The following MB21D2 variants were observed in gnomAD, a reference collection of about 807,000 sequenced individuals.
MB21D2 encodes the protein nucleotidyltransferase MB21D2.
In MB21D2, 9 loss-of-function variants were observed where a neutral mutation model predicts 33.3. That is an observed-to-expected ratio of 0.27 (90% CI 0.16 to 0.47). The LOEUF (loss-of-function observed/expected upper bound fraction) is 0.47. Ranked by LOEUF, MB21D2 falls within the 20% of genes least tolerant of loss-of-function variation. The pLI, the probability that MB21D2 is intolerant of heterozygous loss-of-function variation, is 0.99. For synonymous variants in MB21D2, 241 were observed against 236.3 expected (o/e 1.02, Z -0.18); for missense variants, 540 against 624.6 (o/e 0.86, Z 1.44).
chr3:192,798,935 G>A lies in MB21D2; in HGVS notation c.927C>T (p.Ala309=). Residue 309 remains alanine (A), a synonymous_variant, in exon 2 of 2, where the codon GCC becomes GCT. Transcript: ENST00000392452. This position sits in a 1 kb window ranked among gnomAD's most constrained non-coding sequence, Gnocchi z 4.8. The stretch of plus-strand genomic sequence containing the variant: ...TGATGATGGCTTTGCAGGCCTGATA[G>A]GCCTGCATGAGGCTGCTGGAGATGC... ...KKCISSSLMQ[A]YQACKAIIIK... The A allele has an allele frequency of 6.2e-7, 1 of 1,613,862 alleles. No homozygotes were observed. Among genetic ancestry groups the A allele is most frequent in the Non-Finnish European group, 8.5e-7 (1 of 1,179,920 alleles).
intron 1 of MB21D2, among the ~76,000 whole-genome samples, chr3:192,869,372 A>G (rs975823911): frequency 1.3e-5 from 2 of 152,044 alleles, no homozygotes; most frequent in South Asian, 4.2e-4. Context: ...GAAAGGAAGA[A>G]GGGAAGGAGA....
chr3:192,877,489 T>G (rs1268575516), intron 1 of MB21D2, among the ~76,000 whole-genome samples: 1 of 152,162 alleles, frequency 6.6e-6, no homozygotes, highest in African/African-American at 2.4e-5. Context: ...TTCATGCCAG[T>G]CCTCTACCCT....
chr3:192,912,984 T>C (rs1014148910), intron 1 of MB21D2, among the ~76,000 whole-genome samples: 2 of 152,224 alleles, frequency 1.3e-5, no homozygotes, highest in Non-Finnish European at 2.9e-5. Flanking sequence ...CATGAGCTAA[T>C]GGACTTAGGC....
At chr3:192,881,394 T>C (rs999950483) in intron 1 of MB21D2, among the ~76,000 whole-genome samples, 10 of 152,122 alleles carry the variant, frequency 6.6e-5, no homozygotes, top group African/African-American at 2.2e-4. Flanking sequence ...AGAAGATCTC[T>C]GTGGCTCCTT....
At chr3:192,828,623 T>TCC (rs1712239614) in intron 1 of MB21D2, among the ~76,000 whole-genome samples, 1 of 25,936 alleles carries the variant, frequency 3.9e-5, no homozygotes, top group East Asian at 1.6e-3. Context: ...TATATATATA[T>TCC]ATATATATAT....
chr3:192,811,866 A>C (rs1165638558), intron 1 of MB21D2, among the ~76,000 whole-genome samples: 4 of 152,168 alleles, frequency 2.6e-5, no homozygotes, highest in African/African-American at 9.7e-5. Flanking sequence ...TTACTTATAC[A>C]TGAAAGCCTC....
rs148832597 is a variant in MB21D2 at position 192,887,703 on chromosome 3, T to G, written c.211+29927A>C. On this transcript the variant is annotated intron_variant, in intron 1 of 1. Transcript: ENST00000392452. ...GGCTTAGCCCAACAAAAAATATTTTTTCCCTTTACTAACAGGTTGCTTTGC... is the reference window on the plus strand; with the variant it reads ...GGCTTAGCCCAACAAAAAATATTTTGTCCCTTTACTAACAGGTTGCTTTGC... Among the ~76,000 whole-genome samples the G allele has an allele frequency of 3.4e-4, 52 of 152,244 alleles. No homozygotes were observed. The East Asian group carries it at 9.4e-3, about 28-fold the overall frequency.
chr3:192,910,688 T>A (rs1200861807), intron 1 of MB21D2, among the ~76,000 whole-genome samples: 2 of 152,350 alleles, frequency 1.3e-5, no homozygotes, highest in East Asian at 3.9e-4. Context: ...TATGTAAATG[T>A]ACACATATGT....
intron 1 of MB21D2, among the ~76,000 whole-genome samples, chr3:192,903,762 C>A (rs1304087717): frequency 6.6e-6 from 1 of 152,206 alleles, no homozygotes; most frequent in Non-Finnish European, 1.5e-5. Flanking sequence ...TTGGGCCATC[C>A]CCCTGGTGAC....
At chr3:192,826,754 T>C (rs1185616513) in intron 1 of MB21D2, among the ~76,000 whole-genome samples, 1 of 152,084 alleles carries the variant, frequency 6.6e-6, no homozygotes, top group Non-Finnish European at 1.5e-5. Context: ...TAGCACAAGG[T>C]CTCCGGGTGG....
At chr3:192,915,208 T>A (rs1357472933) in intron 1 of MB21D2, among the ~76,000 whole-genome samples, 1 of 152,088 alleles carries the variant, frequency 6.6e-6, no homozygotes, top group Non-Finnish European at 1.5e-5. Context: ...GAGGGCCTGG[T>A]ACCACCCAAG....
At chr3:192,806,002 T>G (rs1711652821) in intron 1 of MB21D2, among the ~76,000 whole-genome samples, 1 of 152,196 alleles carries the variant, frequency 6.6e-6, no homozygotes, top group African/African-American at 2.4e-5. Flanking sequence ...AATGAAGTAT[T>G]CTCTCCCCTG....
chr3:192,865,054 G>T (rs981126607), intron 1 of MB21D2, among the ~76,000 whole-genome samples: 1 of 152,112 alleles, frequency 6.6e-6, no homozygotes, highest in African/African-American at 2.4e-5. Flanking sequence ...CCTCAATCTG[G>T]CCTACAGAGA....
At chr3:192,873,014 C>CT (rs1713344753) in intron 1 of MB21D2, among the ~76,000 whole-genome samples, 1 of 92,514 alleles carries the variant, frequency 1.1e-5, no homozygotes, top group Non-Finnish European at 2.0e-5. Context: ...AAGACACCCC[C>CT]CCCCACCAAG....
chr3:192,802,722 T>G (rs1711584545), intron 1 of MB21D2, among the ~76,000 whole-genome samples: 1 of 152,362 alleles, frequency 6.6e-6, no homozygotes, highest in Non-Finnish European at 1.5e-5. Flanking sequence ...CATTATTTTA[T>G]GAACTCACAT....
At chr3:192,828,428 G>T (rs933443168) in intron 1 of MB21D2, among the ~76,000 whole-genome samples, 1 of 150,894 alleles carries the variant, frequency 6.6e-6, no homozygotes, top group African/African-American at 2.4e-5. Context: ...GCAGGAGTGG[G>T]GCCCAAGATG....
At chr3:192,905,694 G>T (rs1264138307) in intron 1 of MB21D2, among the ~76,000 whole-genome samples, 1 of 149,428 alleles carries the variant, frequency 6.7e-6, no homozygotes, top group African/African-American at 2.5e-5. Context: ...AGCCAGGCAT[G>T]GAGGTGTGTG....
intron 1 of MB21D2, among the ~76,000 whole-genome samples, chr3:192,828,070 C>T (rs1446526072): frequency 2.0e-5 from 3 of 152,058 alleles, no homozygotes; most frequent in African/African-American, 7.3e-5. Flanking sequence ...ATATCTTTTG[C>T]CTTCCGCCAT....
intron 1 of MB21D2, among the ~76,000 whole-genome samples, chr3:192,820,449 G>A (rs1297623391): frequency 6.6e-6 from 1 of 152,128 alleles, no homozygotes; most frequent in African/African-American, 2.4e-5. Flanking sequence ...GAAAGGACTC[G>A]TACAGAAGTT....
Sources: gnomAD v4.1 joint callset for allele counts (sites outside exome capture counted in the v4.1 genomes callset) on GRCh38, gnomAD v4.1.1 for gene constraint, Gnocchi (gnomAD v3.1) non-coding constraint, MANE v1.5 for transcripts, NCBI Gene and HGNC (gene_info 2026-07-23, HGNC 2026-07-21) for gene names.